Variants in SUGCT observed in about 807,000 individuals in gnomAD.
SUGCT encodes the protein succinyl-CoA:glutarate-CoA transferase.
Under a neutral mutation model 55.0 loss-of-function variants are expected in SUGCT, and 41 were observed. The observed-to-expected ratio is 0.74, with a 90% CI of 0.58 to 0.97. SUGCT has a LOEUF of 0.97. Ranked by LOEUF, SUGCT falls within the 50% of genes least tolerant of loss-of-function variation. SUGCT has a pLI of 0.00. For synonymous variants in SUGCT, 187 were observed against 200.4 expected, an observed-to-expected ratio of 0.93 and a Z score of 0.56; for missense variants, 568 against 547.8, an observed-to-expected ratio of 1.04 and a Z score of -0.37.
In SUGCT at chr7:40,534,280, G is replaced by A. The variant is rs189825696; in HGVS notation, c.1089+37894G>A. ...TTCCAATATAATTTAATAATTCTAA[G>A]GACATTGATCTTATTGATAGTGTTC... On this transcript the variant is annotated intron_variant, in intron 12 of 13. Transcript: ENST00000335693. Among the ~76,000 whole-genome samples, 93 of 152,210 alleles carry A rather than the reference G, an allele frequency of 6.1e-4. 1 individual carries two copies. The highest frequency in any genetic ancestry group is 2.1e-3 in the African/African-American group (88 of 41,528).
At chr7:40,470,183 C>A (rs563786196) in intron 11 of SUGCT, among the ~76,000 whole-genome samples, 1 of 152,150 alleles carries the variant, frequency 6.6e-6, no homozygotes, top group East Asian at 1.9e-4. Context: ...GAGTTTGACT[C>A]AGTCAAATCT....
intron 7 of SUGCT, among the ~76,000 whole-genome samples, chr7:40,244,843 A>C (rs930777525): frequency 3.9e-5 from 6 of 152,092 alleles, no homozygotes; most frequent in Non-Finnish European, 8.8e-5. Context: ...AGAGAGAGAG[A>C]GAGCAGGAAG....
chr7:40,706,588 GA>G (rs1785420715), intron 12 of SUGCT, among the ~76,000 whole-genome samples: 1 of 152,198 alleles, frequency 6.6e-6, no homozygotes, highest in African/African-American at 2.4e-5. Flanking sequence ...GCATGGACTT[GA>G]TTATAATAAG....
the SUGCT span, among the ~76,000 whole-genome samples, chr7:40,900,675 A>G: frequency 6.6e-6 from 1 of 152,222 alleles, no homozygotes; most frequent in Admixed American, 6.5e-5. Flanking sequence ...AGAGCACGTC[A>G]TACTTCCAGG....
At chr7:40,902,822 G>A in the SUGCT span, among the ~76,000 whole-genome samples, 2 of 151,920 alleles carry the variant, frequency 1.3e-5, no homozygotes, top group African/African-American at 2.4e-5. Flanking sequence ...CTCTGGCCTC[G>A]TCTTTCTGAA....
intron 11 of SUGCT, among the ~76,000 whole-genome samples, chr7:40,472,430 CTAG>C (rs1182158996): frequency 6.6e-6 from 1 of 152,082 alleles, no homozygotes; most frequent in African/African-American, 2.4e-5. Flanking sequence ...ATAAACTATG[CTAG>C]CAACGGCATA....
chr7:40,669,346 C>CAAAA (rs33947436), intron 12 of SUGCT, among the ~76,000 whole-genome samples: 6 of 90,770 alleles, frequency 6.6e-5, no homozygotes, highest in Admixed American at 1.2e-4. Flanking sequence ...GTGTAAGCTT[C>CAAAA]AAAAAAAAAA....
intron 13 of SUGCT, among the ~76,000 whole-genome samples, chr7:40,794,927 A>G (rs1186663038): frequency 6.6e-6 from 1 of 152,146 alleles, no homozygotes; most frequent in Non-Finnish European, 1.5e-5. Context: ...GAGCAATCAG[A>G]TAATACAAGA....
chr7:40,384,414 T>A (rs1307211481), intron 9 of SUGCT, among the ~76,000 whole-genome samples: 1 of 152,192 alleles, frequency 6.6e-6, no homozygotes, highest in Non-Finnish European at 1.5e-5. Context: ...TTCACGGATA[T>A]GTGGGCTTTT....
chr7:40,961,509 G>C, the SUGCT span, among the ~76,000 whole-genome samples: 2 of 152,350 alleles, frequency 1.3e-5, no homozygotes, highest in South Asian at 2.1e-4. Context: ...TTTTGTGGCT[G>C]AAGTGGGAGA....
At chr7:40,292,042 C>A (rs1245567720) in intron 8 of SUGCT, among the ~76,000 whole-genome samples, 1 of 152,162 alleles carries the variant, frequency 6.6e-6, no homozygotes, top group Non-Finnish European at 1.5e-5. Context: ...TTAGAAGCCA[C>A]TAAGTTTAGG....
At chr7:40,753,531 C>T (rs1445557203) in intron 13 of SUGCT, among the ~76,000 whole-genome samples, 2 of 152,154 alleles carry the variant, frequency 1.3e-5, no homozygotes, top group African/African-American at 4.8e-5. Flanking sequence ...AGCTTATTAC[C>T]ATTCCAAATT....
intron 12 of SUGCT, among the ~76,000 whole-genome samples, chr7:40,733,228 G>C (rs1038182048): frequency 2.6e-5 from 4 of 151,914 alleles, no homozygotes; most frequent in African/African-American, 7.3e-5. Flanking sequence ...ACTCCAGCTA[G>C]AGTAAGCCAG....
chr7:40,848,903 C>T (rs550630969), intron 13 of SUGCT, among the ~76,000 whole-genome samples: 43 of 152,180 alleles, frequency 2.8e-4, no homozygotes, highest in Non-Finnish European at 5.3e-4. Context: ...AAGTGTATGG[C>T]TCCATTTGGT....
At chr7:40,875,520 A>G in the SUGCT span, among the ~76,000 whole-genome samples, 1 of 152,194 alleles carries the variant, frequency 6.6e-6, no homozygotes, top group Non-Finnish European at 1.5e-5. Flanking sequence ...CACAGTTGGA[A>G]CCCCTGAATC....
intron 6 of SUGCT, among the ~76,000 whole-genome samples, chr7:40,216,702 A>C (rs1228296786): frequency 6.6e-6 from 1 of 151,640 alleles, no homozygotes; most frequent in African/African-American, 2.4e-5. Flanking sequence ...AAATACAAAA[A>C]TTAGCCAGGT....
intron 11 of SUGCT, among the ~76,000 whole-genome samples, chr7:40,484,510 G>T (rs1791227271): frequency 6.6e-6 from 1 of 152,050 alleles, no homozygotes; most frequent in Admixed American, 6.6e-5. Flanking sequence ...CTTAGAGTTT[G>T]TTTGCATTTT....
the SUGCT span, among the ~76,000 whole-genome samples, chr7:40,997,635 C>G: frequency 1.9e-4 from 29 of 152,178 alleles, no homozygotes; most frequent in African/African-American, 6.8e-4. Flanking sequence ...TAGAAACCTT[C>G]TCAAACGCAT....
At chr7:40,397,032 C>A in intron 9 of SUGCT, among the ~76,000 whole-genome samples, 1 of 152,040 alleles carries the variant, frequency 6.6e-6, no homozygotes, top group East Asian at 1.9e-4. Context: ...ATCAGATAGA[C>A]CTTACCACCA....
Sources: allele counts gnomAD v4.1 joint callset (sites outside exome capture counted in the v4.1 genomes callset), GRCh38; gene constraint gnomAD v4.1.1; transcripts MANE v1.5; gene names NCBI Gene and HGNC (gene_info 2026-07-23, HGNC 2026-07-21).